ZSCAN25: variants seen among roughly 807,000 people sequenced by gnomAD.
ZSCAN25 encodes zinc finger and SCAN domain-containing protein 25.
A neutral mutation model predicts 38.7 loss-of-function variants in ZSCAN25; 27 were observed. That is an observed-to-expected ratio of 0.70 (90% CI 0.51 to 0.96). The LOEUF is 0.96. Among genes scored for constraint, ZSCAN25 ranks in the 40% least tolerant of loss-of-function variants. The pLI is 0.00. For synonymous variants in ZSCAN25, 273 were observed against 277.7 expected (o/e 0.98, Z 0.17); for missense variants, 637 against 705.9 (o/e 0.90, Z 1.11).
At chr7:99,674,536 C>T in the ZSCAN25 span, 29 of 1,613,596 alleles carry the variant, frequency 1.8e-5, no homozygotes, top group Non-Finnish European at 2.2e-5. Context: ...TACTCACCCC[C>T]ACATTTTTCC....
the ZSCAN25 span, among the ~76,000 whole-genome samples, chr7:99,736,352 G>A: frequency 6.6e-6 from 1 of 152,280 alleles, no homozygotes; most frequent in East Asian, 1.9e-4. Context: ...CCTCTTGAGG[G>A]TGGAATTGGA....
At chr7:99,643,458 A>G in the ZSCAN25 span, among the ~76,000 whole-genome samples, 41 of 149,978 alleles carry the variant, frequency 2.7e-4, no homozygotes, top group Middle Eastern at 3.4e-3. Flanking sequence ...TTTTTTTTCC[A>G]TGGGGCCAAA....
Position 99,630,573 on chromosome 7 carries a change from A to AG in ZSCAN25, c.*556dup. On this transcript the variant is annotated 3_prime_UTR_variant, in exon 8 of 8. Coordinates refer to ENST00000394152, the MANE Select transcript of ZSCAN25 (RefSeq NM_145115.3). ...ACAGCCCATGACCCGAGGCATTCTCAGGGTATCTGTGCTGTGTGCCCGTGA... is the reference window on the plus strand; with the variant it reads ...ACAGCCCATGACCCGAGGCATTCTCAGGGGTATCTGTGCTGTGTGCCCGTGA... 1 of 987,912 alleles carries AG rather than the reference A, an allele frequency of 1.0e-6. No individual in the cohort carries two copies. The highest frequency in any genetic ancestry group is 1.2e-6 in the Non-Finnish European group (1 of 831,744). The allele number at this position is 987,912 out of a possible 1,614,324, so 61.2% of individuals were successfully genotyped here. A position where few individuals can be genotyped will look rare whatever the true frequency, so the allele number is the denominator to read the frequency against.
the ZSCAN25 span, chr7:99,677,286 C>G: frequency 6.9e-5 from 68 of 980,874 alleles, no homozygotes; most frequent in African/African-American, 1.1e-3. Context: ...GACACTGATT[C>G]AGCTGTGAAG....
chr7:99,666,958 G>C, the ZSCAN25 span: 6 of 1,613,632 alleles, frequency 3.7e-6, no homozygotes, highest in Non-Finnish European at 5.1e-6. Flanking sequence ...ATACCTCCTT[G>C]AGTTTTCCGC....
intron 7 of ZSCAN25, among the ~76,000 whole-genome samples, chr7:99,627,851 A>G (rs923267865): frequency 9.9e-5 from 15 of 152,012 alleles, no homozygotes; most frequent in African/African-American, 3.6e-4. Flanking sequence ...TATGTATAGT[A>G]TATATATGCA....
the ZSCAN25 span, chr7:99,684,996 A>G: frequency 6.6e-6 from 4 of 605,752 alleles, no homozygotes; most frequent in Middle Eastern, 2.7e-4. Context: ...AGCTCAGTGC[A>G]TGTACAGAAT....
At chr7:99,656,328 A>G in the ZSCAN25 span, among the ~76,000 whole-genome samples, 4 of 152,180 alleles carry the variant, frequency 2.6e-5, no homozygotes, top group African/African-American at 9.7e-5. Flanking sequence ...TTCTGCATCT[A>G]TTGAGATAAT....
chr7:99,677,319 T>C, the ZSCAN25 span: 2 of 904,060 alleles, frequency 2.2e-6, no homozygotes, highest in Non-Finnish European at 2.6e-6. Context: ...CACAGTTGGC[T>C]CCAGAGAGGC....
the ZSCAN25 span, among the ~76,000 whole-genome samples, chr7:99,702,124 C>G: frequency 7.1e-6 from 1 of 140,316 alleles, no homozygotes; most frequent in African/African-American, 2.7e-5. Flanking sequence ...GAGTCTTACT[C>G]TGTTGCCCAG....
At chr7:99,625,557 G>A (rs1006117087) in intron 7 of ZSCAN25, among the ~76,000 whole-genome samples, 7 of 152,176 alleles carry the variant, frequency 4.6e-5, no homozygotes, top group African/African-American at 1.4e-4. Flanking sequence ...AAAGATGTCA[G>A]CATACTTTAT....
the ZSCAN25 span, among the ~76,000 whole-genome samples, chr7:99,690,952 C>G: frequency 6.6e-6 from 1 of 152,116 alleles, no homozygotes; most frequent in Non-Finnish European, 1.5e-5. Flanking sequence ...GGTATATACC[C>G]AAAGGATTAT....
At position 99,621,451 on chromosome 7, in the gene ZSCAN25, C is replaced by A. The variant is rs1201687186; in HGVS notation, c.466C>A (p.Pro156Thr). 1.3e-6 allele frequency: 2 copies of A among 1,560,534 alleles called. No individual in the cohort carries two copies. The highest frequency in any genetic ancestry group is 1.7e-6 in the Non-Finnish European group (2 of 1,148,756). The change falls in exon 5 of 8, where the codon CCA becomes ACA. Residue 156 changes from proline (P) to threonine (T), a missense_variant. Physicochemically the swap from Pro to Thr is conservative, Grantham distance 38. Transcript: ENST00000394152. ...TTGGGAGCCAGGCATCCAGCTGGGG[C>A]CAGTGGAGGTCAAGCCTGAATGGGG... The part of the protein sequence containing the change: ...GAWEPGIQLG[P>T]VEVKPEWGMP...
chr7:99,666,660 A>C, the ZSCAN25 span: 3 of 1,614,038 alleles, frequency 1.9e-6, no homozygotes, highest in Non-Finnish European at 2.5e-6. Flanking sequence ...TCACCAATAC[A>C]TCTCCATACT....
the ZSCAN25 span, among the ~76,000 whole-genome samples, chr7:99,646,721 G>A: frequency 6.7e-6 from 1 of 150,362 alleles, no homozygotes; most frequent in Non-Finnish European, 1.5e-5. Flanking sequence ...CAAGATCTAG[G>A]CACTAAGTAT....
In ZSCAN25 at chr7:99,629,334, C is replaced by G; in HGVS notation, c.949C>G (p.Pro317Ala). The G allele has an allele frequency of 6.2e-7, 1 of 1,614,170 alleles. No individual in the cohort carries two copies. The highest frequency in any genetic ancestry group is 8.5e-7 in the Non-Finnish European group (1 of 1,180,038). Residue 317 changes from proline (P) to alanine (A), a missense_variant, in exon 8 of 8, where the codon CCT (proline) becomes GCT (alanine). By Grantham distance (27) the Pro-to-Ala change is conservative. Transcript: ENST00000394152. The surrounding 1 kb of genome is among the most constrained non-coding windows in gnomAD (Gnocchi z 5.6). The part of the protein sequence containing the change: ...GRVCEQEPGG[P>A]AGSAPGLPPP... The stretch of plus-strand genomic sequence containing the variant: ...GGTCTGTGAGCAGGAGCCTGGTGGC[C>G]CTGCAGGCAGTGCGCCTGGGCTTCC...
chr7:99,726,402 G>C, the ZSCAN25 span, among the ~76,000 whole-genome samples: 8 of 152,182 alleles, frequency 5.3e-5, no homozygotes, highest in African/African-American at 1.9e-4. Context: ...GGTTTGTTCA[G>C]GATCTGCGCC....
chr7:99,710,376 C>T, the ZSCAN25 span, among the ~76,000 whole-genome samples: 1 of 152,176 alleles, frequency 6.6e-6, no homozygotes, highest in South Asian at 2.1e-4. Flanking sequence ...TCCATCAGAT[C>T]ACAGCCAGAC....
the ZSCAN25 span, among the ~76,000 whole-genome samples, chr7:99,655,898 A>G: frequency 6.6e-6 from 1 of 152,290 alleles, no homozygotes; most frequent in East Asian, 1.9e-4. Flanking sequence ...ATTGGTGTAT[A>G]AGAATATTTG....
Sources: gnomAD v4.1 joint callset for allele counts (sites outside exome capture counted in the v4.1 genomes callset) on GRCh38, gnomAD v4.1.1 for gene constraint, Gnocchi (gnomAD v3.1) non-coding constraint, MANE v1.5 for transcripts, NCBI Gene and HGNC (gene_info 2026-07-23, HGNC 2026-07-21) for gene names.